SLIT3: variants seen among roughly 807,000 people sequenced by gnomAD.
SLIT3 encodes slit guidance ligand 3, also known as slit homolog 3 protein.
Under a neutral mutation model 184.0 loss-of-function variants are expected in SLIT3, and 68 were observed. The ratio of observed to expected loss-of-function variants is 0.37; its 90% CI spans 0.30 to 0.45. The LOEUF (loss-of-function observed/expected upper bound fraction) is 0.45, where lower values mean the gene tolerates loss of function less well. SLIT3 is among the 20% of genes least tolerant of loss of function. The pLI is 1.00. For missense variants in SLIT3, 1,707 were observed against 2,026.0 expected, an observed-to-expected ratio of 0.84 and a Z score of 3.02; for synonymous variants, 831 against 828.6, an observed-to-expected ratio of 1.00 and a Z score of -0.05.
chr5:168,842,394 T>C (rs1204446489), intron 6 of SLIT3, among the ~76,000 whole-genome samples: 1 of 152,108 alleles, frequency 6.6e-6, no homozygotes, highest in African/African-American at 2.4e-5. Flanking sequence ...TGAGAACTTT[T>C]TTTTTTTTCT....
chr5:169,171,434 A>C (rs1268854634), intron 4 of SLIT3, among the ~76,000 whole-genome samples: 1 of 152,192 alleles, frequency 6.6e-6, no homozygotes, highest in Non-Finnish European at 1.5e-5. Flanking sequence ...AGGTGGAGGG[A>C]AAAAGTACAA....
At position 169,257,533 on chromosome 5, in the gene SLIT3, C is replaced by CTTTT. The variant is rs1157258489; in HGVS notation, c.198-6078_198-6075dup. On this transcript the variant is annotated intron_variant, in intron 1 of 35. Transcript: ENST00000519560. ...TTGATACAATAGCTTTCTATGCCTC[C>CTTTT]TTTTTTTTTTTTTTTTTTTTTTTTT... Among the ~76,000 whole-genome samples the CTTTT allele has an allele frequency of 1.3e-3, 107 of 80,968 alleles. 14 individuals are homozygous for CTTTT. The highest frequency in any genetic ancestry group is 3.6e-3 in the South Asian group (8 of 2,252). The allele number at this position is 80,968 out of a possible 152,430, so 53.1% of individuals were successfully genotyped here.
intron 4 of SLIT3, among the ~76,000 whole-genome samples, chr5:168,987,788 T>C (rs1050549423): frequency 2.6e-5 from 4 of 152,256 alleles, no homozygotes; most frequent in African/African-American, 9.6e-5. Flanking sequence ...GAGGAAGCTT[T>C]TATTTCCAGA....
In SLIT3 at chr5:169,286,056, A is replaced by C. The variant is rs1487921366; in HGVS notation, c.197+14457T>G. Among the ~76,000 whole-genome samples the C allele has an allele frequency of 3.9e-5, 6 of 152,316 alleles. No homozygotes were observed. The South Asian group carries it at 8.3e-4, about 21-fold the overall frequency. On this transcript the variant is annotated intron_variant, in intron 1 of 35. Coordinates refer to ENST00000519560, the MANE Select transcript of SLIT3 (RefSeq NM_003062.4). Reference sequence around the variant, plus strand: ...TTGGAGTGATTATTTAATGCCAGACACTGTCCTCTAAGCTTGACATGTATT... The same window carrying C: ...TTGGAGTGATTATTTAATGCCAGACCCTGTCCTCTAAGCTTGACATGTATT...
chr5:168,662,466 T>TC lies in SLIT3; in HGVS notation c.*3987dup, dbSNP rs908065727. On this transcript the variant is annotated 3_prime_UTR_variant, in exon 36 of 36. Coordinates refer to ENST00000519560, the MANE Select transcript of SLIT3 (RefSeq NM_003062.4). ...GGGCTCTTTTCCCCCACCTTTTTTT[T>TC]CCCTCTGAGCTTGGGAGTTATCCCT... is the stretch of plus-strand genomic sequence containing the variant. The TC allele has an allele frequency of 1.3e-5, 2 of 152,216 alleles. No individual in the cohort carries two copies. The highest frequency in any genetic ancestry group is 4.8e-5 in the African/African-American group (2 of 41,458). The allele number at this position is 152,216 out of a possible 1,614,324, so 9.4% of individuals were successfully genotyped here. A position where few individuals can be genotyped will look rare whatever the true frequency, so the allele number is the denominator to read the frequency against.
chr5:168,749,952 C>T (rs958363852), intron 18 of SLIT3, among the ~76,000 whole-genome samples: 4 of 152,190 alleles, frequency 2.6e-5, no homozygotes, highest in Admixed American at 2.0e-4. Context: ...CGTATCTTTA[C>T]AGGTTGCCTG....
chr5:169,192,331 C>G (rs889183940), intron 4 of SLIT3, among the ~76,000 whole-genome samples: 2 of 151,978 alleles, frequency 1.3e-5, no homozygotes, highest in African/African-American at 2.4e-5. Context: ...AGAAGGCAAG[C>G]GAGACCACTG....
intron 3 of SLIT3, among the ~76,000 whole-genome samples, chr5:169,219,332 T>G (rs1264125091): frequency 6.6e-6 from 1 of 152,232 alleles, no homozygotes; most frequent in African/African-American, 2.4e-5. Flanking sequence ...CATTGTAGGT[T>G]TTAATTAATT....
chr5:169,173,238 G>A (rs574239533), intron 4 of SLIT3, among the ~76,000 whole-genome samples: 1 of 152,290 alleles, frequency 6.6e-6, no homozygotes, highest in South Asian at 2.1e-4. Flanking sequence ...TCCAGCATGG[G>A]CAACAAGAGT....
At chr5:169,086,652 C>T (rs1352514028) in intron 4 of SLIT3, among the ~76,000 whole-genome samples, 5 of 152,220 alleles carry the variant, frequency 3.3e-5, no homozygotes, top group African/African-American at 1.2e-4. Flanking sequence ...CAAGCTGGAC[C>T]TCTTAACTCC....
At position 168,665,973 on chromosome 5, in the gene SLIT3, CTCTCTTCCTCTTATTCCTTTT is replaced by C. The variant is rs1761022038; in HGVS notation, c.*460_*480del. ...CAAGAAACAAAGGTCTTTTCCTTCT[CTCTCTTCCTCTTATTCCTTTT>C]TCTGATCTCAATGAGCAGCTCTTGG... On this transcript the variant is annotated 3_prime_UTR_variant, in exon 36 of 36. Transcript: ENST00000519560. The C allele has an allele frequency of 6.6e-6, 1 of 152,274 alleles. No homozygotes were observed. Among genetic ancestry groups the C allele is most frequent in the African/African-American group, 2.4e-5 (1 of 41,440 alleles). The allele number at this position is 152,274 out of a possible 1,614,324, so 9.4% of individuals were successfully genotyped here.
At chr5:168,871,387 A>C (rs1006972175) in intron 5 of SLIT3, among the ~76,000 whole-genome samples, 2 of 152,168 alleles carry the variant, frequency 1.3e-5, no homozygotes, top group East Asian at 1.9e-4. Context: ...AGCCTACCCT[A>C]GGCAGGCAGC....
intron 4 of SLIT3, among the ~76,000 whole-genome samples, chr5:169,084,453 GATTTTTTT>G (rs761566795): frequency 6.6e-5 from 8 of 121,546 alleles, no homozygotes; most frequent in Non-Finnish European, 1.2e-4. Flanking sequence ...ACCATGCCCA[GATTTTTTT>G]TTTTTTTTTT....
At chr5:168,997,427 G>A (rs1755552661) in intron 4 of SLIT3, among the ~76,000 whole-genome samples, 1 of 152,136 alleles carries the variant, frequency 6.6e-6, no homozygotes, top group Non-Finnish European at 1.5e-5. Context: ...GTCCTATTGT[G>A]AAAGAATAGA....
At position 168,687,129 on chromosome 5, in the gene SLIT3, C is replaced by T. The variant is rs768712146; in HGVS notation, c.3177-13G>A. ...GACACACTCGCAGCTGGAACATAGG[C>T]AGAGGCAAGGCCGTTCCTCAAGGCA... On this transcript the variant is annotated splice_polypyrimidine_tract_variant and intron_variant, in intron 29 of 35. Coordinates refer to ENST00000519560, the MANE Select transcript of SLIT3 (RefSeq NM_003062.4). 16 of 1,612,018 alleles carry T rather than the reference C, an allele frequency of 9.9e-6. No individual in the cohort carries two copies. The highest frequency in any genetic ancestry group is 1.3e-5 in the African/African-American group (1 of 74,914).
At chr5:168,682,370 T>C (rs1227343958) in intron 32 of SLIT3, among the ~76,000 whole-genome samples, 1 of 152,262 alleles carries the variant, frequency 6.6e-6, no homozygotes. Context: ...AGTTTTCCTT[T>C]GGAAACTGGT....
intron 4 of SLIT3, among the ~76,000 whole-genome samples, chr5:169,091,295 G>A (rs1275043044): frequency 6.6e-6 from 1 of 152,164 alleles, no homozygotes; most frequent in Non-Finnish European, 1.5e-5. Context: ...CCAAGACCCT[G>A]TAAGGGATGC....
intron 13 of SLIT3, among the ~76,000 whole-genome samples, chr5:168,773,718 G>T (rs1561925114): frequency 6.6e-6 from 1 of 152,182 alleles, no homozygotes; most frequent in Non-Finnish European, 1.5e-5. Context: ...TGTAGTGCAT[G>T]GAAGTGAGGA....
In SLIT3 at chr5:168,708,037, T is replaced by C; in HGVS notation, c.2783A>G (p.Asn928Ser). ...NACLSSPCKN[N>S]GTCTQDPVEL... ...CACAGGGTCCTGGGTGCATGTCCCG[T>C]TATTCTTGCACGGGCTGGAGAGGCA... is the stretch of plus-strand genomic sequence containing the variant. Residue 928 changes from asparagine to serine, a missense_variant, in exon 26 of 36, where the codon AAC becomes AGC. Physicochemically the swap from Asn to Ser is conservative, Grantham distance 46. Around this residue, in one of 3 missense-constraint regions of SLIT3, gnomAD observed 1,307 missense variants for 1,511.6 expected, o/e 0.86. Transcript: ENST00000519560. The C allele has an allele frequency of 1.2e-6, 2 of 1,614,142 alleles. No individual in the cohort carries two copies. Among genetic ancestry groups the C allele is most frequent in the Non-Finnish European group, 1.7e-6 (2 of 1,180,014 alleles).
Sources: gnomAD v4.1 joint callset for allele counts (sites outside exome capture counted in the v4.1 genomes callset) on GRCh38, gnomAD v4.1.1 for gene constraint, gnomAD v4.1.1 regional missense constraint, MANE v1.5 for transcripts, NCBI Gene and HGNC (gene_info 2026-07-23, HGNC 2026-07-21) for gene names.